EIF3B: variants seen among roughly 807,000 people sequenced by gnomAD.
The protein encoded by EIF3B is eukaryotic translation initiation factor 3 subunit 9.
Under a neutral mutation model 104.6 loss-of-function variants are expected in EIF3B, and 10 were observed. The observed-to-expected ratio is 0.10, with a 90% CI of 0.06 to 0.16. The LOEUF is 0.16. Among genes scored for constraint, EIF3B ranks in the 10% least tolerant of loss-of-function variants. The probability of loss-of-function intolerance (pLI) is 1.00; values close to 1 mark genes in which losing one functional copy is unlikely to be tolerated. For synonymous variants in EIF3B, 542 were observed against 417.2 expected (o/e 1.30, Z -3.65); for missense variants, 1,014 against 1,087.9 (o/e 0.93, Z 0.96).
chr7:2,366,275 C>G (rs759653106), intron 6 of EIF3B, 42 bp from the exon 7 acceptor site: 19 of 1,537,286 alleles, frequency 1.2e-5, no homozygotes, highest in Non-Finnish European at 1.4e-5. Context: ...GTGATCCTCT[C>G]GTGAGAGGAG....
At chr7:2,363,546 C>T (rs879341629) in intron 4 of EIF3B, 86 bp from the exon 5 acceptor site, 29 of 1,259,920 alleles carry the variant, frequency 2.3e-5, no homozygotes, top group South Asian at 2.9e-5. Flanking sequence ...GTGGACTGAA[C>T]TTGTCATATC....
intron 1 of EIF3B, among the ~76,000 whole-genome samples, chr7:2,360,333 T>C (rs1348607982): frequency 6.6e-6 from 1 of 152,240 alleles, no homozygotes; most frequent in Non-Finnish European, 1.5e-5. Flanking sequence ...TGCCTAGATG[T>C]TGCAACAAAC....
At chr7:2,364,279 A>C (rs1779890372) in intron 5 of EIF3B, 93 bp from the exon 6 acceptor site, 1 of 1,237,902 alleles carries the variant, frequency 8.1e-7, no homozygotes, top group South Asian at 1.6e-5. Context: ...AAAAGTTTGT[A>C]GAACAGATTC....
chr7:2,355,879 C>T (rs575424003), intron 1 of EIF3B, among the ~76,000 whole-genome samples: 17 of 152,356 alleles, frequency 1.1e-4, no homozygotes, highest in African/African-American at 3.4e-4. Context: ...GTGATTTTGT[C>T]CTCCTGCCCC....
upstream of EIF3B, chr7:2,354,357 A>AG (rs1779263251): frequency 6.6e-6 from 1 of 152,246 alleles, no homozygotes; most frequent in Non-Finnish European, 1.5e-5. Flanking sequence ...AGACACGGAC[A>AG]GGGGGGACTT....
At chr7:2,378,371 CGAG>C (rs1780787554) in intron 15 of EIF3B, 1 of 263,038 alleles carries the variant, frequency 3.8e-6, no homozygotes. Flanking sequence ...AAGGAACAGG[CGAG>C]CGCTCCTGGG....
In EIF3B at chr7:2,380,186, C is replaced by T. The variant is rs1036923466; in HGVS notation, c.*15-18C>T. 4 of 357,114 alleles carry T rather than the reference C, an allele frequency of 1.1e-5. No homozygotes were observed. Among genetic ancestry groups the T allele is most frequent in the Non-Finnish European group, 2.2e-5 (4 of 179,022 alleles). The allele number at this position is 357,114 out of a possible 1,614,324, so 22.1% of individuals were successfully genotyped here. ...TTTGAGGTGGTGCCGTTTAGGGCCG[C>T]CATGCCTGTCTATCCAGGGGACGGA... On this transcript the variant is annotated intron_variant, in intron 18 of 18. Transcript: ENST00000360876.
In EIF3B at chr7:2,377,499, A is replaced by G. The variant is rs540320870; in HGVS notation, c.2154+424A>G. Among the ~76,000 whole-genome samples, 317 of 139,964 alleles carry G rather than the reference A, an allele frequency of 2.3e-3. 3 individuals carry two copies. The highest frequency in any genetic ancestry group is 8.1e-3 in the African/African-American group (299 of 36,764). 91.8% of individuals were successfully genotyped at this position (139,964 alleles called of 152,430 possible). On this transcript the variant is annotated intron_variant, in intron 15 of 18. Coordinates refer to ENST00000360876, the MANE Select transcript of EIF3B (RefSeq NM_001037283.2). The stretch of plus-strand genomic sequence containing the variant: ...AGGAGCAGGCACGAGCGCTCCTGGG[A>G]TGCTGTGTTGTGTGAATGACCCTGG...
chr7:2,377,597 G>T (rs1780716511), intron 15 of EIF3B, among the ~76,000 whole-genome samples: 1 of 109,112 alleles, frequency 9.2e-6, no homozygotes, highest in Non-Finnish European at 1.8e-5. Flanking sequence ...GGGTGTCATG[G>T]AGGAAGGAGC....
intron 12 of EIF3B, chr7:2,373,225 G>A (rs781455211): frequency 9.7e-5 from 15 of 154,422 alleles, no homozygotes; most frequent in Non-Finnish European, 1.9e-4. Context: ...TTCCAGGGGT[G>A]CCACACTGCA....
chr7:2,362,854 T>A, intron 3 of EIF3B, 90 bp downstream of exon 3: 1 of 1,569,602 alleles, frequency 6.4e-7, no homozygotes, highest in African/African-American at 1.3e-5. Context: ...GGTGCTGGTG[T>A]CTGTCAGATT....
chr7:2,362,006 C>A (rs557998363), intron 2 of EIF3B, among the ~76,000 whole-genome samples: 88 of 152,212 alleles, frequency 5.8e-4, no homozygotes, highest in Non-Finnish European at 1.1e-3. Flanking sequence ...GTCACCCAGG[C>A]TGGAGTGCAG....
intron 9 of EIF3B, among the ~76,000 whole-genome samples, chr7:2,367,415 C>CA (rs1015708482): frequency 1.3e-5 from 2 of 151,604 alleles, no homozygotes; most frequent in Non-Finnish European, 2.9e-5. Context: ...CTGGGGGACA[C>CA]AGACGTGGTC....
rs1780717743 is a variant in EIF3B, at chr7:2,377,612, GCGAGC to G, written c.2154+538_2154+542del. 1.9e-5 allele frequency among the ~76,000 whole-genome samples: 2 copies of G among 103,310 alleles called. 1 individual carries two copies. The highest frequency in any genetic ancestry group is 1.8e-4 in the Admixed American group (2 of 11,354). The allele number at this position is 103,310 out of a possible 152,430, so 67.8% of individuals were successfully genotyped here. A position where few individuals can be genotyped will look rare whatever the true frequency, so the allele number is the denominator to read the frequency against. ...GGGTGTCATGGAGGAAGGAGCAGGC[GCGAGC>G]TCTCCTGGGAATCCGTGTTCTGTGA... On this transcript the variant is annotated intron_variant, in intron 15 of 18. Coordinates refer to ENST00000360876, the MANE Select transcript of EIF3B (RefSeq NM_001037283.2).
chr7:2,367,835 T>A (rs1489324331), intron 9 of EIF3B, among the ~76,000 whole-genome samples: 2 of 45,632 alleles, frequency 4.4e-5, no homozygotes, highest in Non-Finnish European at 7.0e-5. Flanking sequence ...ATTTTTTTTT[T>A]TTTTTTTTTT....
At chr7:2,366,763 C>A in intron 8 of EIF3B, 172 bp downstream of exon 8, 1 of 820,966 alleles carries the variant, frequency 1.2e-6, no homozygotes, top group Non-Finnish European at 1.9e-6. Context: ...GCTCTTCAGT[C>A]ACTCCTGCCC....
At chr7:2,366,750 A>G in intron 8 of EIF3B, 159 bp downstream of exon 8, 1 of 874,712 alleles carries the variant, frequency 1.1e-6, no homozygotes, top group Non-Finnish European at 1.8e-6. Flanking sequence ...TGCTCTGGGC[A>G]GAGCTCTTCA....
At chr7:2,378,503 T>A (rs56321947) in intron 15 of EIF3B, 186 bp from the exon 16 acceptor site, 1 of 127,186 alleles carries the variant, frequency 7.9e-6, no homozygotes, top group Non-Finnish European at 1.6e-5. Flanking sequence ...CAGGCGCGAG[T>A]GCTGCTGGGA....
chr7:2,369,150 C>T (rs1332914945), intron 9 of EIF3B, among the ~76,000 whole-genome samples: 2 of 152,196 alleles, frequency 1.3e-5, no homozygotes, highest in African/African-American at 4.8e-5. Flanking sequence ...TGCCTCAAAG[C>T]AGCAGTGTGC....
Sources: allele counts gnomAD v4.1 joint callset (sites outside exome capture counted in the v4.1 genomes callset), GRCh38; gene constraint gnomAD v4.1.1; transcripts MANE v1.5; gene names NCBI Gene and HGNC (gene_info 2026-07-23, HGNC 2026-07-21).